NKAIN2: variants seen among roughly 807,000 people sequenced by gnomAD.
NKAIN2 encodes the protein sodium/potassium transporting ATPase interacting 2, also known as sodium/potassium-transporting ATPase subunit beta-1-interacting protein 2.
In NKAIN2, 14 loss-of-function variants were observed where a neutral mutation model predicts 32.6. The ratio of observed to expected loss-of-function variants is 0.43; its 90% CI spans 0.28 to 0.67. NKAIN2 has a LOEUF of 0.67. NKAIN2 is among the 30% of genes least tolerant of loss of function. The pLI is 0.17. For missense variants in NKAIN2, 198 were observed against 258.3 expected (o/e 0.77, Z 1.60); for synonymous variants, 80 against 87.2 (o/e 0.92, Z 0.46).
chr6:124,708,666 T>G (rs1215496825), intron 4 of NKAIN2, among the ~76,000 whole-genome samples: 2 of 152,012 alleles, frequency 1.3e-5, no homozygotes, highest in Non-Finnish European at 2.9e-5. Context: ...TAAGAATGCT[T>G]GTGATTTTTG....
At position 124,606,318 on chromosome 6, in the gene NKAIN2, T is replaced by A. The variant is rs1042964102; in HGVS notation, c.274-51868T>A. On this transcript the variant is annotated intron_variant, in intron 3 of 6. Coordinates refer to ENST00000368417, the MANE Select transcript of NKAIN2 (RefSeq NM_001040214.3). ...TTTTTCAAATTTCATGTCAACCACA[T>A]TTTTTTCCCAAAGGAGAATGTCTTT... 2.0e-5 allele frequency among the ~76,000 whole-genome samples: 3 copies of A among 151,848 alleles called. No individual in the cohort carries two copies. In the East Asian group the frequency reaches 5.8e-4, roughly 29 times the overall value.
chr6:124,783,531 G>T (rs1245453927), intron 4 of NKAIN2, among the ~76,000 whole-genome samples: 1 of 152,130 alleles, frequency 6.6e-6, no homozygotes, highest in Admixed American at 6.6e-5. Context: ...AGCCCTGGAG[G>T]CAATCCTCCA....
At chr6:124,668,651 G>A (rs770511866) in intron 4 of NKAIN2, among the ~76,000 whole-genome samples, 16 of 151,962 alleles carry the variant, frequency 1.1e-4, no homozygotes, top group Non-Finnish European at 1.8e-4. Flanking sequence ...CCTACCATAC[G>A]ATATGTTAGC....
chr6:123,979,440 G>C (rs575208704), intron 1 of NKAIN2, among the ~76,000 whole-genome samples: 78 of 152,176 alleles, frequency 5.1e-4, no homozygotes, highest in African/African-American at 1.8e-3. Flanking sequence ...AGAGTTCTTG[G>C]ACATCACCAG....
At chr6:124,249,523 A>G (rs1793589367) in intron 1 of NKAIN2, among the ~76,000 whole-genome samples, 1 of 152,128 alleles carries the variant, frequency 6.6e-6, no homozygotes, top group Non-Finnish European at 1.5e-5. Context: ...TTTTACTAGT[A>G]TGATGGATTA....
intron 1 of NKAIN2, among the ~76,000 whole-genome samples, chr6:123,871,909 A>C (rs1057275359): frequency 1.3e-5 from 2 of 152,212 alleles, no homozygotes; most frequent in African/African-American, 4.8e-5. Context: ...ATAATCTCAC[A>C]TGAAAAACAC....
chr6:124,344,194 T>G (rs886509762), intron 2 of NKAIN2, among the ~76,000 whole-genome samples: 5 of 152,158 alleles, frequency 3.3e-5, no homozygotes, highest in Non-Finnish European at 4.4e-5. Context: ...GATCTATATC[T>G]CTGTTTTGGT....
chr6:124,680,558 T>C (rs977515028), intron 4 of NKAIN2, among the ~76,000 whole-genome samples: 10 of 152,126 alleles, frequency 6.6e-5, no homozygotes, highest in Non-Finnish European at 2.9e-5. Flanking sequence ...AGATTTTATG[T>C]CTTAGTGGTA....
chr6:124,505,467 C>T (rs1289107941), intron 3 of NKAIN2, among the ~76,000 whole-genome samples: 1 of 152,142 alleles, frequency 6.6e-6, no homozygotes, highest in African/African-American at 2.4e-5. Flanking sequence ...AATTTCCATT[C>T]GTAACTGTGG....
At chr6:124,427,882 C>T (rs970421746) in intron 3 of NKAIN2, among the ~76,000 whole-genome samples, 1 of 152,050 alleles carries the variant, frequency 6.6e-6, no homozygotes, top group Non-Finnish European at 1.5e-5. Flanking sequence ...GGCACAGCTA[C>T]ATGTTGGCAA....
intron 4 of NKAIN2, among the ~76,000 whole-genome samples, chr6:124,687,437 T>C (rs553213840): frequency 1.8e-5 from 2 of 110,240 alleles, no homozygotes; most frequent in Non-Finnish European, 3.8e-5. Flanking sequence ...GTATACCATA[T>C]ACATACATGG....
chr6:124,003,171 G>C (rs113480787), intron 1 of NKAIN2, among the ~76,000 whole-genome samples: 87 of 152,250 alleles, frequency 5.7e-4, no homozygotes, highest in African/African-American at 2.0e-3. Flanking sequence ...TCATTTTATT[G>C]TTAGTCATCT....
At chr6:124,170,828 C>G (rs1484725122) in intron 1 of NKAIN2, among the ~76,000 whole-genome samples, 2 of 152,062 alleles carry the variant, frequency 1.3e-5, no homozygotes, top group Non-Finnish European at 2.9e-5. Context: ...ACTAGATAAT[C>G]CAGTCATATC....
intron 1 of NKAIN2, among the ~76,000 whole-genome samples, chr6:123,902,556 G>A (rs576265760): frequency 6.2e-4 from 94 of 152,140 alleles, no homozygotes; most frequent in African/African-American, 1.9e-3. Context: ...ATTTCCAGTC[G>A]TGCAATTAAT....
chr6:124,481,919 A>T (rs554822210), intron 3 of NKAIN2, among the ~76,000 whole-genome samples: 1 of 152,322 alleles, frequency 6.6e-6, no homozygotes, highest in East Asian at 1.9e-4. Flanking sequence ...GGCCTTATAA[A>T]GAGCCTTAGT....
intron 3 of NKAIN2, among the ~76,000 whole-genome samples, chr6:124,365,861 A>G (rs1799495385): frequency 6.6e-6 from 1 of 152,076 alleles, no homozygotes; most frequent in African/African-American, 2.4e-5. Flanking sequence ...CTGTGTGGAA[A>G]TTAAACAATA....
chr6:123,990,508 G>A (rs1779368155), intron 1 of NKAIN2, among the ~76,000 whole-genome samples: 1 of 152,110 alleles, frequency 6.6e-6, no homozygotes, highest in African/African-American at 2.4e-5. Context: ...GTGCTGTTGT[G>A]GAAAGGACTA....
intron 1 of NKAIN2, among the ~76,000 whole-genome samples, chr6:123,975,120 A>G (rs937897846): frequency 6.6e-6 from 1 of 152,190 alleles, no homozygotes; most frequent in Non-Finnish European, 1.5e-5. Flanking sequence ...ATTTTATGTA[A>G]TAGGGGAAAT....
At chr6:124,037,698 G>A (rs1221427721) in intron 1 of NKAIN2, among the ~76,000 whole-genome samples, 1 of 152,034 alleles carries the variant, frequency 6.6e-6, no homozygotes. Context: ...ACATTTGTCC[G>A]AAGACTACAG....
Sources: gnomAD v4.1 joint callset for allele counts (sites outside exome capture counted in the v4.1 genomes callset) on GRCh38, gnomAD v4.1.1 for gene constraint, MANE v1.5 for transcripts, NCBI Gene and HGNC (gene_info 2026-07-23, HGNC 2026-07-21) for gene names.